Variants in ANKRD42 observed in about 807,000 individuals in gnomAD.
The protein encoded by ANKRD42 is ankyrin repeat domain-containing protein 42.
ANKRD42 carries 43 observed loss-of-function variants against 51.5 expected under a neutral mutation model. The observed-to-expected ratio is 0.83, with a 90% CI of 0.65 to 1.08. ANKRD42 has a LOEUF of 1.08. Ranked by LOEUF, ANKRD42 falls within the 50% of genes least tolerant of loss-of-function variation. The pLI is 0.00. For missense variants in ANKRD42, 608 were observed against 629.3 expected (o/e 0.97, Z 0.36); for synonymous variants, 203 against 213.0 (o/e 0.95, Z 0.41).
intron 8 of ANKRD42, among the ~76,000 whole-genome samples, chr11:83,238,157 C>T (rs1008019545): frequency 1.3e-5 from 2 of 152,124 alleles, no homozygotes; most frequent in African/African-American, 4.8e-5. Flanking sequence ...CTTCTAACAG[C>T]TGAGTAGAAT....
At chr11:83,233,722 A>T (rs1863147129) in intron 7 of ANKRD42, among the ~76,000 whole-genome samples, 1 of 151,964 alleles carries the variant, frequency 6.6e-6, no homozygotes, top group Non-Finnish European at 1.5e-5. Context: ...TCACTGTGTC[A>T]CCCATGCTGG....
chr11:83,232,761 A>G (rs184151959), intron 7 of ANKRD42, among the ~76,000 whole-genome samples: 3 of 152,116 alleles, frequency 2.0e-5, no homozygotes, highest in East Asian at 1.9e-4. Flanking sequence ...TCCCTTCTAT[A>G]CCCAGTTTTT....
intron 10 of ANKRD42, among the ~76,000 whole-genome samples, chr11:83,247,593 C>T (rs1863581619): frequency 6.6e-6 from 1 of 152,230 alleles, no homozygotes; most frequent in Non-Finnish European, 1.5e-5. Flanking sequence ...TTAAGCCCCT[C>T]TTCCACAACA....
downstream of ANKRD42, chr11:83,261,680 C>G: frequency 9.0e-6 from 3 of 332,156 alleles, no homozygotes; most frequent in Non-Finnish European, 1.6e-5. Context: ...TATCTCAAAC[C>G]AGGTCTGAGT....
intron 9 of ANKRD42, among the ~76,000 whole-genome samples, chr11:83,245,105 T>C (rs1863504021): frequency 6.6e-6 from 1 of 152,198 alleles, no homozygotes; most frequent in African/African-American, 2.4e-5. Context: ...GGTTTCACCA[T>C]GTTGGCCAGG....
chr11:83,225,340 G>A (rs990691183), intron 6 of ANKRD42, among the ~76,000 whole-genome samples: 14 of 152,146 alleles, frequency 9.2e-5, no homozygotes, highest in African/African-American at 3.4e-4. Flanking sequence ...TCTGAGGTGA[G>A]TGGATTGCTT....
At position 83,243,967 on chromosome 11, in the gene ANKRD42, C is replaced by CTTTTTTTTT. The variant is rs66756456; in HGVS notation, c.1196-1510_1196-1502dup. 3.8e-3 allele frequency among the ~76,000 whole-genome samples: 253 copies of CTTTTTTTTT among 66,968 alleles called. 22 individuals carry two copies. Among genetic ancestry groups the CTTTTTTTTT allele is most frequent in the Non-Finnish European group, 4.7e-3 (184 of 38,952 alleles). 43.9% of individuals were successfully genotyped at this position (66,968 alleles called of 152,430 possible). A position where few individuals can be genotyped will look rare whatever the true frequency, so the allele number is the denominator to read the frequency against. On this transcript the variant is annotated intron_variant, in intron 9 of 10. Transcript: ENST00000533342. ...GCGTGAACCACCTCGCCTGGCTGCC[C>CTTTTTTTTT]TTTTTTTTTTTTTTTTTTTTTTTTT... is the stretch of plus-strand genomic sequence containing the variant.
chr11:83,217,251 T>G lies in ANKRD42; in HGVS notation c.586+5821T>G, dbSNP rs1381563676. Among the ~76,000 whole-genome samples, 5 of 152,198 alleles carry G rather than the reference T, an allele frequency of 3.3e-5. No individual in the cohort carries two copies. In the East Asian group the frequency reaches 9.6e-4, roughly 29 times the overall value. On this transcript the variant is annotated intron_variant, in intron 5 of 10. Coordinates refer to ENST00000533342, the MANE Select transcript of ANKRD42 (RefSeq NM_001300975.2). The stretch of plus-strand genomic sequence containing the variant: ...GGTACTGAATGTTCAAGCTCCTTTT[T>G]CCTCTCTTAAATGTCTAACAATATC...
rs111467210 is a variant in ANKRD42 at position 83,255,966 on chromosome 11, T to G, written c.*32T>G. ...AAATAACTAAATTGACCTGCTAGAT[T>G]TTTCTCTTTCATTAAAAAAATTGAT... is the stretch of plus-strand genomic sequence containing the variant. On this transcript the variant is annotated 3_prime_UTR_variant, in exon 12 of 12. Transcript: ENST00000260047. The G allele has an allele frequency of 3.7e-4, 537 of 1,467,906 alleles. No individual in the cohort carries two copies. The African/African-American group carries it at 7.0e-3, about 19-fold the overall frequency. 90.9% of individuals were successfully genotyped at this position (1,467,906 alleles called of 1,614,324 possible). A position where few individuals can be genotyped will look rare whatever the true frequency, so the allele number is the denominator to read the frequency against.
chr11:83,236,659 G>T, intron 8 of ANKRD42, 150 bp downstream of exon 8: 1 of 572,996 alleles, frequency 1.7e-6, no homozygotes, highest in Non-Finnish European at 3.0e-6. Flanking sequence ...TGAATTGACA[G>T]CTGCCATTAT....
At chr11:83,253,986 A>AT (rs1364968841) in intron 11 of ANKRD42, among the ~76,000 whole-genome samples, 3 of 152,032 alleles carry the variant, frequency 2.0e-5, no homozygotes, top group Non-Finnish European at 2.9e-5. Flanking sequence ...TCTTTAATTA[A>AT]TTTTTTTGAG....
At chr11:83,236,048 G>C (rs1863212579) in intron 7 of ANKRD42, among the ~76,000 whole-genome samples, 1 of 152,196 alleles carries the variant, frequency 6.6e-6, no homozygotes, top group African/African-American at 2.4e-5. Context: ...GCTATTTATA[G>C]CAGGAGATAA....
Position 83,248,008 on chromosome 11 carries a change from A to T in ANKRD42, c.1388A>T (p.Gln463Leu). 1 of 1,613,120 alleles carries T rather than the reference A, an allele frequency of 6.2e-7. No individual in the cohort carries two copies. The highest frequency in any genetic ancestry group is 8.5e-7 in the Non-Finnish European group (1 of 1,179,450). The change falls in exon 11 of 11, where the codon CAG becomes CTG. Residue 463 changes from glutamine to leucine, a missense_variant. By Grantham distance (113) the Gln-to-Leu change is moderately radical (BLOSUM62 -2). Coordinates refer to ENST00000533342, the MANE Select transcript of ANKRD42 (RefSeq NM_001300975.2). ...CTACGTAGAGAAAAATTAGAATGTC[A>T]GCTTGATGAATATCGAGCAGAAGTT... Reference protein sequence around the residue: ...ERLRREKLECQLDEYRAEVDQ... With the variant: ...ERLRREKLECLLDEYRAEVDQ...
chr11:83,246,369 AT>A (rs1279158169), intron 10 of ANKRD42, among the ~76,000 whole-genome samples: 1 of 152,198 alleles, frequency 6.6e-6, no homozygotes, highest in Non-Finnish European at 1.5e-5. Flanking sequence ...GTACTATACC[AT>A]TTTAATGTAA....
chr11:83,216,628 T>G (rs1862546369), intron 5 of ANKRD42, among the ~76,000 whole-genome samples: 1 of 152,258 alleles, frequency 6.6e-6, no homozygotes, highest in African/African-American at 2.4e-5. Context: ...CCGGCCCCTT[T>G]ACCATTTCTT....
In ANKRD42 at chr11:83,225,004, C is replaced by T. The variant is rs145605968; in HGVS notation, c.736C>T (p.Gln246Ter). ...GAGGTTCTTCAAGCAGAACATTTTA[C>T]AGTTTATCCAGGGGGCTGAGTATGA... ...AQRFFKQNIL[Q>*]FIQGAEYEGK... The change falls in exon 6 of 11, where the codon CAG becomes TAG. Residue 246 changes from glutamine to a stop codon, truncating the protein, a stop_gained. Transcript: ENST00000533342. LOFTEE classifies it high-confidence loss of function. 2.5e-6 allele frequency: 4 copies of T among 1,612,920 alleles called. No individual in the cohort carries two copies. The highest frequency in any genetic ancestry group is 1.7e-4 in the Middle Eastern group (1 of 6,060).
At chr11:83,255,911 G>A in exon 12 of ANKRD42, 1 of 1,533,918 alleles carries the variant, frequency 6.5e-7, no homozygotes, top group Non-Finnish European at 8.7e-7. Flanking sequence ...TTCTTCTGGA[G>A]GGGTGTTTGT....
chr11:83,212,970 C>T, intron 5 of ANKRD42: 1 of 1,587,082 alleles, frequency 6.3e-7, no homozygotes, highest in Non-Finnish European at 8.5e-7. Flanking sequence ...CTCGGCGCTG[C>T]CTACGGAGGT....
At chr11:83,202,272 CAGATTTGTTGA>C (rs1861902224) in intron 2 of ANKRD42, among the ~76,000 whole-genome samples, 1 of 152,066 alleles carries the variant, frequency 6.6e-6, no homozygotes, top group South Asian at 2.1e-4. Flanking sequence ...TTGCAAAAGT[CAGATTTGTTGA>C]AGATCAGGTG....
Sources: gnomAD v4.1 joint callset for allele counts (sites outside exome capture counted in the v4.1 genomes callset) on GRCh38, gnomAD v4.1.1 for gene constraint, MANE v1.5 for transcripts, NCBI Gene and HGNC (gene_info 2026-07-23, HGNC 2026-07-21) for gene names.